GRK3: variants seen among roughly 807,000 people sequenced by gnomAD.
The protein encoded by GRK3 is G protein-coupled receptor kinase 3.
A neutral mutation model predicts 95.7 loss-of-function variants in GRK3; 54 were observed. The observed-to-expected ratio is 0.56, with a 90% CI of 0.45 to 0.71. GRK3 has a LOEUF of 0.71. GRK3 is among the 30% of genes least tolerant of loss of function. The pLI is 0.00. For synonymous variants in GRK3, 281 were observed against 290.8 expected (o/e 0.97, Z 0.34); for missense variants, 649 against 851.2 (o/e 0.76, Z 2.96).
intron 13 of GRK3, among the ~76,000 whole-genome samples, chr22:25,700,548 T>A (rs1304689162): frequency 6.6e-6 from 1 of 152,212 alleles, no homozygotes; most frequent in Non-Finnish European, 1.5e-5. Context: ...TGGCTTAGGT[T>A]TGAAATGCAC....
chr22:25,641,817 G>T (rs966330327), intron 2 of GRK3, among the ~76,000 whole-genome samples: 2 of 152,192 alleles, frequency 1.3e-5, no homozygotes, highest in African/African-American at 4.8e-5. Flanking sequence ...GAGCTTGGGG[G>T]GAGCACTGTG....
At chr22:25,575,422 T>C (rs1471020143) in intron 1 of GRK3, among the ~76,000 whole-genome samples, 1 of 152,212 alleles carries the variant, frequency 6.6e-6, no homozygotes, top group East Asian at 1.9e-4. Context: ...AGGAAACTTA[T>C]GCTCTAGAAC....
intron 2 of GRK3, among the ~76,000 whole-genome samples, chr22:25,628,125 GAAACAC>G (rs2084640396): frequency 6.6e-6 from 1 of 152,268 alleles, no homozygotes; most frequent in East Asian, 1.9e-4. Flanking sequence ...AAAAATAAGA[GAAACAC>G]AAAGGTGCTC....
At chr22:25,698,202 AAGGG>A (rs773405647) in intron 13 of GRK3, among the ~76,000 whole-genome samples, 81 of 142,990 alleles carry the variant, frequency 5.7e-4, no homozygotes, top group Admixed American at 9.2e-4. Context: ...GGGAAGGAGG[AAGGG>A]AGGGAAGGAA....
chr22:25,707,105 G>T (rs553015210), intron 15 of GRK3, among the ~76,000 whole-genome samples: 11 of 152,126 alleles, frequency 7.2e-5, no homozygotes, highest in Admixed American at 7.2e-4. Flanking sequence ...ACAGGCATGG[G>T]CTACCATGCC....
intron 9 of GRK3, 41 bp downstream of exon 9, chr22:25,678,956 GT>G (rs749092777): frequency 7.5e-7 from 1 of 1,337,292 alleles, no homozygotes; most frequent in Admixed American, 2.0e-5. Flanking sequence ...AAAATGTTTT[GT>G]TTGTTTCATA....
intron 1 of GRK3, among the ~76,000 whole-genome samples, chr22:25,576,996 G>A (rs16980496): frequency 0.082 from 12,407 of 152,126 alleles, 570 homozygotes; most frequent in Middle Eastern, 0.16. Flanking sequence ...AATGATGGCA[G>A]TGTTATAACT....
chr22:25,726,806 G>T lies in GRK3; in HGVS notation c.*4356G>T, dbSNP rs994494425. On this transcript the variant is annotated 3_prime_UTR_variant, in exon 21 of 21. Transcript: ENST00000324198. The stretch of plus-strand genomic sequence containing the variant: ...TCAGAAGCCATTTGCTGCCTATCAG[G>T]ACTTTCTGAAGAAGTTCTTTTGCCT... 3 of 152,090 alleles carry T rather than the reference G, an allele frequency of 2.0e-5. No individual in the cohort carries two copies. Among genetic ancestry groups the T allele is most frequent in the African/African-American group, 7.2e-5 (3 of 41,382 alleles). 9.4% of individuals were successfully genotyped at this position (152,090 alleles called of 1,614,324 possible). A position where few individuals can be genotyped will look rare whatever the true frequency, so the allele number is the denominator to read the frequency against.
rs540672533 is a variant in GRK3 at position 25,727,783 on chromosome 22, T to C, written c.*5333T>C. On this transcript the variant is annotated 3_prime_UTR_variant, in exon 21 of 21. Transcript: ENST00000324198. ...GATGTAAGGGTAGGGAATGGAGAAA[T>C]ATTTTCAATTGTGTATTTGTATTAC... 13 of 152,356 alleles carry C rather than the reference T, an allele frequency of 8.5e-5. No homozygotes were observed. Among genetic ancestry groups the C allele is most frequent in the African/African-American group, 2.6e-4 (11 of 41,580 alleles). 9.4% of individuals were successfully genotyped at this position (152,356 alleles called of 1,614,324 possible).
intron 2 of GRK3, among the ~76,000 whole-genome samples, chr22:25,621,984 CTTGG>C (rs2084589492): frequency 6.6e-6 from 1 of 152,188 alleles, no homozygotes; most frequent in South Asian, 2.1e-4. Flanking sequence ...CAGTTAAAGC[CTTGG>C]TAAAATAACC....
intron 3 of GRK3, among the ~76,000 whole-genome samples, chr22:25,645,085 T>TG (rs1332133801): frequency 6.6e-6 from 1 of 151,902 alleles, no homozygotes; most frequent in Non-Finnish European, 1.5e-5. Context: ...GGAGATTTGG[T>TG]GGGGGGTGTG....
At chr22:25,656,482 C>A (rs1481385210) in intron 3 of GRK3, among the ~76,000 whole-genome samples, 6 of 151,104 alleles carry the variant, frequency 4.0e-5, no homozygotes, top group Non-Finnish European at 7.4e-5. Flanking sequence ...CACCCAGATA[C>A]TTTTTTTTTA....
At chr22:25,583,245 A>C (rs184663015) in intron 1 of GRK3, among the ~76,000 whole-genome samples, 2 of 152,304 alleles carry the variant, frequency 1.3e-5, no homozygotes, top group Non-Finnish European at 2.9e-5. Flanking sequence ...AATGCCACAG[A>C]AAGATGGACG....
chr22:25,622,413 A>T (rs4514981), intron 2 of GRK3, among the ~76,000 whole-genome samples: 13,701 of 152,188 alleles, frequency 0.09, 753 homozygotes, highest in Middle Eastern at 0.16. Context: ...TAGCGCTTAC[A>T]TAGGTTAGTT....
intron 6 of GRK3, among the ~76,000 whole-genome samples, chr22:25,668,597 A>G (rs1398757875): frequency 2.6e-5 from 4 of 152,226 alleles, no homozygotes; most frequent in African/African-American, 9.6e-5. Flanking sequence ...AGCAGAGTCA[A>G]TATGTTGGGA....
At chr22:25,676,020 C>A (rs2085025967) in intron 8 of GRK3, among the ~76,000 whole-genome samples, 2 of 152,198 alleles carry the variant, frequency 1.3e-5, no homozygotes, top group African/African-American at 4.8e-5. Context: ...ATCTCCTGGT[C>A]TATAAAGTAG....
chr22:25,648,091 C>T (rs549706353), intron 3 of GRK3: 135 of 557,764 alleles, frequency 2.4e-4, no homozygotes, highest in African/African-American at 1.9e-3. Context: ...ACTCCAGCCT[C>T]GGCGACAAGA....
chr22:25,713,399 T>G (rs2085359555), intron 17 of GRK3, among the ~76,000 whole-genome samples: 1 of 152,200 alleles, frequency 6.6e-6, no homozygotes, highest in Non-Finnish European at 1.5e-5. Context: ...CAGATTATTA[T>G]AATAGATCAA....
chr22:25,583,416 G>A (rs1181243491), intron 1 of GRK3, among the ~76,000 whole-genome samples: 2 of 135,530 alleles, frequency 1.5e-5, no homozygotes, highest in Admixed American at 1.5e-4. Context: ...TAGGTTATTT[G>A]GGGCAGGCTA....
Sources: allele counts gnomAD v4.1 joint callset (sites outside exome capture counted in the v4.1 genomes callset), GRCh38; gene constraint gnomAD v4.1.1; transcripts MANE v1.5; gene names NCBI Gene and HGNC (gene_info 2026-07-23, HGNC 2026-07-21).